Variants in MEGF11 observed in about 807,000 individuals in gnomAD.
The protein encoded by MEGF11 is multiple epidermal growth factor-like domains protein 11.
MEGF11 carries 126 observed loss-of-function variants against 146.6 expected under a neutral mutation model. That is an observed-to-expected ratio of 0.86 (90% CI 0.74 to 1.00). The LOEUF is 1.00. Among genes scored for constraint, MEGF11 ranks in the 50% least tolerant of loss-of-function variants. The pLI is 0.00. For missense variants in MEGF11, 1,509 were observed against 1,521.2 expected (o/e 0.99, Z 0.13); for synonymous variants, 532 against 583.4 (o/e 0.91, Z 1.27).
chr15:66,049,085 T>C (rs1043274222), intron 5 of MEGF11, among the ~76,000 whole-genome samples: 21 of 152,070 alleles, frequency 1.4e-4, no homozygotes, highest in Non-Finnish European at 1.5e-4. Flanking sequence ...GTGCCCAAAT[T>C]GCATCCCTCA....
intron 3 of MEGF11, among the ~76,000 whole-genome samples, chr15:66,119,401 CT>C (rs2087904994): frequency 6.6e-6 from 1 of 152,180 alleles, no homozygotes; most frequent in Non-Finnish European, 1.5e-5. Context: ...CTTACTAAAC[CT>C]GCTGACTTTT....
In MEGF11 at chr15:65,966,741, A is replaced by G. The variant is rs780336743; in HGVS notation, c.900-1621T>C. Among the ~76,000 whole-genome samples, 7 of 152,192 alleles carry G rather than the reference A, an allele frequency of 4.6e-5. No individual in the cohort carries two copies. In the South Asian group the frequency reaches 1.5e-3, roughly 32 times the overall value. Reference sequence around the variant, plus strand: ...TGGGCTAGTACTTGGAGATCCCAACATAAGGATAATTATTCAACTTCATTT... The same window carrying G: ...TGGGCTAGTACTTGGAGATCCCAACGTAAGGATAATTATTCAACTTCATTT... On this transcript the variant is annotated intron_variant, in intron 8 of 25. Coordinates refer to ENST00000395614, the MANE Select transcript of MEGF11 (RefSeq NM_001385028.1).
intron 24 of MEGF11, among the ~76,000 whole-genome samples, chr15:65,900,395 T>A (rs971392144): frequency 6.6e-6 from 1 of 152,248 alleles, no homozygotes; most frequent in African/African-American, 2.4e-5. Context: ...ACACTCCGTA[T>A]GGCTGAAGTA....
At chr15:65,965,753 G>T (rs1328852755) in intron 8 of MEGF11, among the ~76,000 whole-genome samples, 1 of 151,754 alleles carries the variant, frequency 6.6e-6, no homozygotes, top group East Asian at 1.9e-4. Flanking sequence ...TCAGCCTCCA[G>T]AACTGTGAGA....
At chr15:66,165,471 A>C (rs746703008) in intron 1 of MEGF11, among the ~76,000 whole-genome samples, 2 of 152,320 alleles carry the variant, frequency 1.3e-5, no homozygotes, top group East Asian at 1.9e-4. Context: ...CCACCAGCAC[A>C]GAAGAGAGAA....
intron 1 of MEGF11, among the ~76,000 whole-genome samples, chr15:66,214,280 G>A (rs1446330683): frequency 1.3e-5 from 2 of 152,038 alleles, no homozygotes; most frequent in South Asian, 2.1e-4. Context: ...GGTGGTCTGC[G>A]CCTCAGCCTC....
At chr15:66,134,650 A>G (rs1008063569) in intron 1 of MEGF11, among the ~76,000 whole-genome samples, 21 of 152,250 alleles carry the variant, frequency 1.4e-4, no homozygotes, top group Non-Finnish European at 2.5e-4. Flanking sequence ...ATTTGTCCCC[A>G]TTCCTGCCCC....
chr15:66,082,678 A>AAAAAAAAAAAT, intron 5 of MEGF11, among the ~76,000 whole-genome samples: 1 of 144,526 alleles, frequency 6.9e-6, no homozygotes, highest in Non-Finnish European at 1.5e-5. Flanking sequence ...GTCTCAAAAA[A>AAAAAAAAAAAT]AAAAAAAAAA....
At chr15:66,113,808 G>C (rs528526007) in intron 4 of MEGF11, among the ~76,000 whole-genome samples, 83 of 152,180 alleles carry the variant, frequency 5.5e-4, no homozygotes, top group African/African-American at 1.9e-3. Flanking sequence ...GTGAACCCGG[G>C]AGGCGGAGCT....
chr15:65,947,613 C>T (rs2080245734), intron 10 of MEGF11, among the ~76,000 whole-genome samples: 1 of 152,220 alleles, frequency 6.6e-6, no homozygotes, highest in South Asian at 2.1e-4. Context: ...TGGTTGTCTA[C>T]TTTCTCCAGA....
intron 9 of MEGF11, among the ~76,000 whole-genome samples, chr15:65,958,460 G>A (rs2080738835): frequency 6.6e-6 from 1 of 152,242 alleles, no homozygotes; most frequent in African/African-American, 2.4e-5. Flanking sequence ...CGGGATGCCA[G>A]TTGTAACCAT....
intron 1 of MEGF11, among the ~76,000 whole-genome samples, chr15:66,215,989 A>C (rs1447349090): frequency 6.6e-6 from 1 of 152,200 alleles, no homozygotes; most frequent in Non-Finnish European, 1.5e-5. Context: ...TATGCACATA[A>C]ACCCCACAGA....
chr15:65,972,017 G>A (rs1440893646), intron 7 of MEGF11, among the ~76,000 whole-genome samples: 1 of 151,886 alleles, frequency 6.6e-6, no homozygotes, highest in Non-Finnish European at 1.5e-5. Context: ...TAGGAAAGAG[G>A]TCTTGAAAAT....
intron 10 of MEGF11, among the ~76,000 whole-genome samples, chr15:65,935,832 T>TA (rs1425964902): frequency 1.3e-5 from 2 of 152,198 alleles, no homozygotes; most frequent in Non-Finnish European, 2.9e-5. Context: ...CACTAACTGT[T>TA]AAAGTTTTTT....
chr15:65,916,510 T>C, intron 17 of MEGF11: 1 of 663,182 alleles, frequency 1.5e-6, no homozygotes, highest in Middle Eastern at 2.6e-4. Context: ...CAGGCTAGGG[T>C]CTACTTCCTG....
intron 1 of MEGF11, among the ~76,000 whole-genome samples, chr15:66,166,074 C>T (rs935812655): frequency 1.1e-4 from 17 of 152,312 alleles, no homozygotes; most frequent in African/African-American, 3.1e-4. Flanking sequence ...CCCATAGTTA[C>T]ATCAGCAGGG....
At chr15:66,009,593 G>GTT (rs757140653) in intron 5 of MEGF11, among the ~76,000 whole-genome samples, 2 of 59,308 alleles carry the variant, frequency 3.4e-5, no homozygotes, top group African/African-American at 1.0e-4. Context: ...GTCACATATG[G>GTT]TTTTTTTTTT....
intron 10 of MEGF11, among the ~76,000 whole-genome samples, chr15:65,951,176 G>A (rs1278430290): frequency 6.6e-6 from 1 of 152,206 alleles, no homozygotes; most frequent in East Asian, 1.9e-4. Context: ...GAAGAGAGGA[G>A]TATTCAGGGA....
intron 5 of MEGF11, among the ~76,000 whole-genome samples, chr15:65,994,693 T>C (rs1019293377): frequency 2.6e-5 from 4 of 152,206 alleles, no homozygotes; most frequent in African/African-American, 9.7e-5. Context: ...CCCTCTGGGC[T>C]GTTCATCCTG....
Sources: gnomAD v4.1 joint callset for allele counts (sites outside exome capture counted in the v4.1 genomes callset) on GRCh38, gnomAD v4.1.1 for gene constraint, MANE v1.5 for transcripts, NCBI Gene and HGNC (gene_info 2026-07-23, HGNC 2026-07-21) for gene names.